Variants in JAM3 observed in about 807,000 individuals in gnomAD.
JAM3 encodes the protein junctional adhesion molecule 3.
JAM3 carries 31 observed loss-of-function variants against 39.4 expected under a neutral mutation model. The ratio of observed to expected loss-of-function variants is 0.79; its 90% CI spans 0.59 to 1.06. The LOEUF is 1.06. JAM3 is among the 50% of genes least tolerant of loss of function. The pLI is 0.00. For missense variants in JAM3, 455 were observed against 391.4 expected (o/e 1.16, Z -1.37); for synonymous variants, 182 against 148.7 (o/e 1.22, Z -1.63).
At chr11:134,134,096 A>T (rs1234634513) in intron 1 of JAM3, among the ~76,000 whole-genome samples, 1 of 152,156 alleles carries the variant, frequency 6.6e-6, no homozygotes, top group African/African-American at 2.4e-5. Context: ...AACACTAGAG[A>T]TAAAAAAAAC....
intron 1 of JAM3, among the ~76,000 whole-genome samples, chr11:134,087,074 G>T (rs1326556161): frequency 6.6e-6 from 1 of 151,984 alleles, no homozygotes; most frequent in Non-Finnish European, 1.5e-5. Flanking sequence ...CAGAGTACTG[G>T]GATTACAGGT....
chr11:134,069,295 G>C, intron 1 of JAM3, 136 bp downstream of exon 1: 2 of 1,215,056 alleles, frequency 1.6e-6, no homozygotes, highest in Non-Finnish European at 2.3e-6. Flanking sequence ...CCGGGCCGGA[G>C]GGGCGGCGCG....
At chr11:134,129,514 T>C (rs948777344) in intron 1 of JAM3, among the ~76,000 whole-genome samples, 3 of 152,146 alleles carry the variant, frequency 2.0e-5, no homozygotes, top group African/African-American at 7.2e-5. Context: ...TTAAAGCCTT[T>C]AAATTTGAAA....
Position 134,139,696 on chromosome 11 carries a change from C to G in JAM3, c.77-155C>G, listed in dbSNP as rs1781647679. 4.5e-6 allele frequency: 3 copies of G among 673,460 alleles called. No homozygotes were observed. The Admixed American group carries it at 6.3e-5, about 14-fold the overall frequency. The allele number at this position is 673,460 out of a possible 1,614,324, so 41.7% of individuals were successfully genotyped here. A position where few individuals can be genotyped will look rare whatever the true frequency, so the allele number is the denominator to read the frequency against. ...CAGATTTGAGAGAGAAAGCAGTTAA[C>G]TTGGCTTACCTAAGAGACTTTATTG... On this transcript the variant is annotated intron_variant, in intron 1 of 8. Coordinates refer to ENST00000299106, the MANE Select transcript of JAM3 (RefSeq NM_032801.5).
At chr11:134,098,115 A>G (rs146856129) in intron 1 of JAM3, among the ~76,000 whole-genome samples, 1 of 152,130 alleles carries the variant, frequency 6.6e-6, no homozygotes, top group African/African-American at 2.4e-5. Context: ...TTGAGTGTAT[A>G]CCCAGGGCAT....
At chr11:134,122,900 C>G (rs944140939) in intron 1 of JAM3, among the ~76,000 whole-genome samples, 1 of 152,218 alleles carries the variant, frequency 6.6e-6, no homozygotes, top group African/African-American at 2.4e-5. Context: ...AGTAGGCCCA[C>G]TGCCTGGACA....
chr11:134,129,557 G>C (rs1942724350), intron 1 of JAM3, among the ~76,000 whole-genome samples: 1 of 152,066 alleles, frequency 6.6e-6, no homozygotes, highest in African/African-American at 2.4e-5. Flanking sequence ...GAAAGTCATT[G>C]GTCCCTAGAT....
intron 1 of JAM3, among the ~76,000 whole-genome samples, chr11:134,115,546 G>T (rs1189952888): frequency 2.0e-5 from 3 of 152,034 alleles, no homozygotes; most frequent in African/African-American, 7.2e-5. Flanking sequence ...TAGGTGTTTT[G>T]CAGAAAGTCT....
rs1013543995 is a variant in JAM3, at chr11:134,148,394, G to A, written c.713-153G>A. The A allele has an allele frequency of 4.8e-6, 4 of 826,038 alleles. No individual in the cohort carries two copies. In the African/African-American group the frequency reaches 5.0e-5, roughly 10 times the overall value. 51.2% of individuals were successfully genotyped at this position (826,038 alleles called of 1,614,324 possible). On this transcript the variant is annotated intron_variant, in intron 6 of 8. Coordinates refer to ENST00000299106, the MANE Select transcript of JAM3 (RefSeq NM_032801.5). ...TGTCCTATATGTTCTAGGCTAGAAG[G>A]ATTGTAAGTGTTCTCTCTTCTAGCT... is the stretch of plus-strand genomic sequence containing the variant.
intron 1 of JAM3, chr11:134,123,898 G>T: frequency 4.0e-6 from 4 of 991,188 alleles, no homozygotes; most frequent in Non-Finnish European, 6.5e-6. Context: ...TCCAAGTAAA[G>T]CAGCTGTTTG....
At chr11:134,140,898 T>A (rs922401828) in intron 3 of JAM3, 128 bp downstream of exon 3, 106 of 1,124,014 alleles carry the variant, frequency 9.4e-5, no homozygotes, top group South Asian at 4.0e-4. Context: ...TTTTTTTTTT[T>A]AAAGATTTAT....
chr11:134,123,310 A>G (rs1418897436), intron 1 of JAM3, among the ~76,000 whole-genome samples: 1 of 152,154 alleles, frequency 6.6e-6, no homozygotes, highest in African/African-American at 2.4e-5. Context: ...TATTCCATCT[A>G]CAACTTGCAT....
chr11:134,109,529 C>G lies in JAM3; in HGVS notation c.77-30322C>G, dbSNP rs114785542. Among the ~76,000 whole-genome samples the G allele has an allele frequency of 2.9e-3, 448 of 152,330 alleles. 2 individuals are homozygous for G. Among genetic ancestry groups the G allele is most frequent in the African/African-American group, 9.8e-3 (409 of 41,586 alleles). ...TCCATTTACTTATCAACTATGGCTG[C>G]TGTAAACCCAAAAGATCTGAGACAG... On this transcript the variant is annotated intron_variant, in intron 1 of 8. Transcript: ENST00000299106.
chr11:134,087,117 T>C (rs1941757604), intron 1 of JAM3, among the ~76,000 whole-genome samples: 1 of 152,040 alleles, frequency 6.6e-6, no homozygotes, highest in South Asian at 2.1e-4. Flanking sequence ...GATTTTAGTA[T>C]TGTCTTTTCC....
chr11:134,082,465 T>TG (rs1000445210), intron 1 of JAM3, among the ~76,000 whole-genome samples: 9 of 151,608 alleles, frequency 5.9e-5, no homozygotes, highest in Non-Finnish European at 7.4e-5. Context: ...CCTTGTAATG[T>TG]GGGGGGGAAC....
rs1364082594 is a variant in JAM3, at chr11:134,149,338, C to CT, written c.*158dup. On this transcript the variant is annotated 3_prime_UTR_variant, in exon 9 of 9. Transcript: ENST00000299106. ...AAAGTTGACCACTACTCTTCTTACT[C>CT]TAACAAGCCACATGAATAGAAGAAT... 1 of 780,942 alleles carries CT rather than the reference C, an allele frequency of 1.3e-6. No homozygotes were observed. The highest frequency in any genetic ancestry group is 2.2e-6 in the Non-Finnish European group (1 of 464,800). 48.4% of individuals were successfully genotyped at this position (780,942 alleles called of 1,614,324 possible).
rs1166321265 is a variant in JAM3, at chr11:134,083,313, A to G, written c.76+14154A>G. On this transcript the variant is annotated intron_variant, in intron 1 of 8. Transcript: ENST00000299106. The stretch of plus-strand genomic sequence containing the variant: ...CCCTCCCTTTCCCTATTTCTCCCTC[A>G]CTCTTTCTCTCTCCAACACAGGCAA... 3.4e-5 allele frequency among the ~76,000 whole-genome samples: 5 copies of G among 148,922 alleles called. No individual in the cohort carries two copies. The East Asian group carries it at 7.8e-4, about 23-fold the overall frequency.
intron 1 of JAM3, among the ~76,000 whole-genome samples, chr11:134,081,791 A>G (rs921657877): frequency 6.6e-6 from 1 of 152,220 alleles, no homozygotes; most frequent in African/African-American, 2.4e-5. Flanking sequence ...TCCAGACCCC[A>G]GAATGATAGA....
intron 6 of JAM3, among the ~76,000 whole-genome samples, chr11:134,146,870 A>G (rs564356453): frequency 6.6e-6 from 1 of 152,274 alleles, no homozygotes; most frequent in Non-Finnish European, 1.5e-5. Flanking sequence ...CCCAGCCAGG[A>G]GCATTTTTTG....
Sources: gnomAD v4.1 joint callset for allele counts (sites outside exome capture counted in the v4.1 genomes callset) on GRCh38, gnomAD v4.1.1 for gene constraint, MANE v1.5 for transcripts, NCBI Gene and HGNC (gene_info 2026-07-23, HGNC 2026-07-21) for gene names.